DYNC1LI1: variants seen among roughly 807,000 people sequenced by gnomAD.
The protein encoded by DYNC1LI1 is cytoplasmic dynein 1 light intermediate chain 1.
A neutral mutation model predicts 63.8 loss-of-function variants in DYNC1LI1; 19 were observed. The observed-to-expected ratio is 0.30, with a 90% CI of 0.21 to 0.44. The LOEUF (loss-of-function observed/expected upper bound fraction) is 0.44, where lower values mean the gene tolerates loss of function less well. DYNC1LI1 is among the 20% of genes least tolerant of loss of function. The probability of loss-of-function intolerance (pLI) is 1.00; values close to 1 mark genes in which losing one functional copy is unlikely to be tolerated. For missense variants in DYNC1LI1, 565 were observed against 630.2 expected (o/e 0.90, Z 1.11); for synonymous variants, 225 against 232.3 (o/e 0.97, Z 0.28).
chr3:32,569,698 G>A (rs1183098286), intron 2 of DYNC1LI1, among the ~76,000 whole-genome samples: 1 of 152,122 alleles, frequency 6.6e-6, no homozygotes, highest in Non-Finnish European at 1.5e-5. Context: ...AACTTCCAGA[G>A]AGCCGAGGAG....
At chr3:32,570,132 A>T (rs1394079040) in intron 2 of DYNC1LI1, 1 of 686,596 alleles carries the variant, frequency 1.5e-6, no homozygotes, top group South Asian at 1.5e-5. Flanking sequence ...GGGGAGGAGG[A>T]GGAGGAACCT....
chr3:32,546,739 A>C (rs1274893567), intron 2 of DYNC1LI1, among the ~76,000 whole-genome samples: 1 of 152,168 alleles, frequency 6.6e-6, no homozygotes, highest in African/African-American at 2.4e-5. Context: ...CCTGTACATC[A>C]GGACAGGGAA....
chr3:32,539,901 G>A (rs1697855838), intron 5 of DYNC1LI1, among the ~76,000 whole-genome samples: 1 of 150,784 alleles, frequency 6.6e-6, no homozygotes, highest in Non-Finnish European at 1.5e-5. Flanking sequence ...GTCTCACTCT[G>A]TAGCCCAGGT....
chr3:32,545,935 A>T lies in DYNC1LI1; in HGVS notation c.251T>A (p.Ile84Lys). Residue 84 changes from isoleucine (I) to lysine (K), a missense_variant, in exon 3 of 13, where the codon ATA becomes AAA. Physicochemically the swap from Ile to Lys is moderately radical, Grantham distance 102. Transcript: ENST00000273130. The stretch of plus-strand genomic sequence containing the variant: ...CTCCTCTATTCCCTGAATTTTTCTT[A>T]TTAAGCTTGTTTTTCCAGCTCCATC... ...GEDGAGKTSL[I>K]RKIQGIEEYK... The T allele has an allele frequency of 6.2e-7, 1 of 1,612,004 alleles. No homozygotes were observed. Among genetic ancestry groups the T allele is most frequent in the Non-Finnish European group, 8.5e-7 (1 of 1,178,674 alleles).
At chr3:32,534,844 T>C (rs1342133685) in intron 6 of DYNC1LI1, among the ~76,000 whole-genome samples, 198 bp from the exon 7 acceptor site, 1 of 152,228 alleles carries the variant, frequency 6.6e-6, no homozygotes, top group African/African-American at 2.4e-5. Context: ...AAAGAATTTT[T>C]ACATAATCAA....
chr3:32,543,207 A>T lies in DYNC1LI1; in HGVS notation c.568+1669T>A, dbSNP rs190710391. 4.0e-3 allele frequency among the ~76,000 whole-genome samples: 605 copies of T among 152,184 alleles called. 12 individuals carry two copies. The highest frequency in any genetic ancestry group is 9.0e-4 in the Non-Finnish European group (61 of 68,014). ...GACTTAGGGAAGAACAATAACAACA[A>T]AAACTCCACAGGCAATAGTAAACAG... On this transcript the variant is annotated intron_variant, in intron 4 of 12. Transcript: ENST00000273130.
rs1408249643 is a variant in DYNC1LI1, at chr3:32,570,696, G to A, written c.75C>T (p.Pro25=). The stretch of plus-strand genomic sequence containing the variant: ...TGCCCGACGCTATCTCGTTGCCCAA[G>A]GGGCCGCCAGTGTAAGTCGAGGATA... ...PGLSSTYTGG[P]LGNEIASGNG... Residue 25 remains proline, a synonymous_variant, in exon 1 of 13, where the codon CCC becomes CCT. Coordinates refer to ENST00000273130, the MANE Select transcript of DYNC1LI1 (RefSeq NM_016141.4). The A allele has an allele frequency of 6.8e-6, 11 of 1,608,934 alleles. No homozygotes were observed. The highest frequency in any genetic ancestry group is 5.4e-5 in the African/African-American group (4 of 74,486).
At chr3:32,544,810 T>C in intron 4 of DYNC1LI1, 66 bp downstream of exon 4, 1 of 1,164,410 alleles carries the variant, frequency 8.6e-7, no homozygotes, top group African/African-American at 1.5e-5. Flanking sequence ...CAAAAATTCC[T>C]AATGATTAAA....
intron 6 of DYNC1LI1, 88 bp downstream of exon 6, chr3:32,536,923 C>T: frequency 1.4e-6 from 1 of 701,956 alleles, no homozygotes; most frequent in South Asian, 1.9e-5. Flanking sequence ...CAGAATTTCT[C>T]AAGTCCATCA....
intron 10 of DYNC1LI1, 52 bp downstream of exon 10, chr3:32,530,232 A>G: frequency 1.4e-6 from 2 of 1,438,986 alleles, no homozygotes; most frequent in Non-Finnish European, 1.9e-6. Flanking sequence ...AAAAATAACT[A>G]AAATAATATG....
At position 32,543,437 on chromosome 3, in the gene DYNC1LI1, T is replaced by C. The variant is rs1348585380; in HGVS notation, c.568+1439A>G. On this transcript the variant is annotated intron_variant, in intron 4 of 12. Coordinates refer to ENST00000273130, the MANE Select transcript of DYNC1LI1 (RefSeq NM_016141.4). The stretch of plus-strand genomic sequence containing the variant: ...TTTTTTGAGACGGAGTCTTGCTCTG[T>C]CGCCCAGGCTGGAGTACAGTGGCGC... Among the ~76,000 whole-genome samples the C allele has an allele frequency of 5.4e-5, 8 of 149,346 alleles. No homozygotes were observed. The East Asian group carries it at 9.9e-4, about 19-fold the overall frequency.
intron 2 of DYNC1LI1, among the ~76,000 whole-genome samples, chr3:32,555,685 C>A (rs1017997393): frequency 3.9e-5 from 6 of 152,114 alleles, no homozygotes; most frequent in Admixed American, 6.6e-5. Context: ...CTTCCTGAAC[C>A]GATCTCATTA....
chr3:32,528,470 A>C lies in DYNC1LI1; in HGVS notation c.1438T>G (p.Leu480Val). 6.2e-7 allele frequency: 1 copy of C among 1,614,142 alleles called. No individual in the cohort carries two copies. Among genetic ancestry groups the C allele is most frequent in the Non-Finnish European group, 8.5e-7 (1 of 1,179,990 alleles). ...AGGAGGGSSGLPPSTKKSGQK... is the reference protein window; with the variant it reads ...AGGAGGGSSGVPPSTKKSGQK... ...CCTGACTTTTTGGTGGATGGTGGTA[A>C]ACCACTGCTTCCACCTCCAGCCCCA... Residue 480 changes from leucine (L) to valine (V), a missense_variant, in exon 12 of 13, where the codon TTA becomes GTA. Physicochemically the swap from Leu to Val is conservative, Grantham distance 32. Transcript: ENST00000273130.
At chr3:32,533,877 C>CTTT (rs57075516) in intron 7 of DYNC1LI1, among the ~76,000 whole-genome samples, 3 of 130,474 alleles carry the variant, frequency 2.3e-5, no homozygotes, top group African/African-American at 8.7e-5. Context: ...AGGTAACTTT[C>CTTT]TTTTTTTTTT....
chr3:32,561,628 CA>C (rs562836430), intron 2 of DYNC1LI1, among the ~76,000 whole-genome samples: 1,433 of 127,610 alleles, frequency 0.011, 13 homozygotes, highest in African/African-American at 0.035. Context: ...GACTTCATCT[CA>C]AAAAAAAAAA....
intron 2 of DYNC1LI1, among the ~76,000 whole-genome samples, chr3:32,568,532 A>G (rs1171737283): frequency 6.6e-6 from 1 of 152,140 alleles, no homozygotes; most frequent in African/African-American, 2.4e-5. Flanking sequence ...AATTTAATCT[A>G]TTCTTGTATG....
intron 4 of DYNC1LI1, among the ~76,000 whole-genome samples, chr3:32,543,392 T>A (rs1381537756): frequency 6.7e-6 from 1 of 150,228 alleles, no homozygotes; most frequent in Non-Finnish European, 1.5e-5. Flanking sequence ...TCTATGTATT[T>A]CCTTTCTTTT....
rs1442607392 is a variant in DYNC1LI1, at chr3:32,537,964, A to G, written c.739-860T>C. Among the ~76,000 whole-genome samples, 9 of 3,118 alleles carry G rather than the reference A, an allele frequency of 2.9e-3. 2 individuals are homozygous for G. The highest frequency in any genetic ancestry group is 7.7e-3 in the African/African-American group (9 of 1,170). The allele number at this position is 3,118 out of a possible 152,430, so 2.0% of individuals were successfully genotyped here. On this transcript the variant is annotated intron_variant, in intron 5 of 12. Coordinates refer to ENST00000273130, the MANE Select transcript of DYNC1LI1 (RefSeq NM_016141.4). Reference sequence around the variant, plus strand: ...TATATATATAATTTATATATATAATATATATATATTTATATATAATATATA... The same window carrying G: ...TATATATATAATTTATATATATAATGTATATATATTTATATATAATATATA...
rs1357233204 is a variant in DYNC1LI1 at position 32,570,436 on chromosome 3, C to T, written c.147-17G>A. The T allele has an allele frequency of 3.2e-6, 5 of 1,586,444 alleles. No individual in the cohort carries two copies. In the South Asian group the frequency reaches 3.4e-5, roughly 11 times the overall value. ...ATGCAGGACCTAACGGGAAGCAAGG[C>T]GTACGGTGAGGCCGGAGGCCGGAGC... is the stretch of plus-strand genomic sequence containing the variant. On this transcript the variant is annotated splice_polypyrimidine_tract_variant and intron_variant, in intron 1 of 12. Transcript: ENST00000273130.
Sources: allele counts gnomAD v4.1 joint callset (sites outside exome capture counted in the v4.1 genomes callset), GRCh38; gene constraint gnomAD v4.1.1; transcripts MANE v1.5; gene names NCBI Gene and HGNC (gene_info 2026-07-23, HGNC 2026-07-21).